The following NEB variants were observed in gnomAD, a reference collection of about 807,000 sequenced individuals.
NEB encodes the protein nemaline myopathy type 2.
In NEB, 512 loss-of-function variants were observed where a neutral mutation model predicts 952.2. The ratio of observed to expected loss-of-function variants is 0.54; its 90% CI spans 0.50 to 0.58. The LOEUF is 0.58. Among genes scored for constraint, NEB ranks in the 20% least tolerant of loss-of-function variants. The pLI is 0.00. For synonymous variants in NEB, 2,900 were observed against 3,149.8 expected, an observed-to-expected ratio of 0.92 and a Z score of 2.66; for missense variants, 8,428 against 9,231.1, an observed-to-expected ratio of 0.91 and a Z score of 3.56.
Position 151,646,133 on chromosome 2 carries a change from A to G in NEB, c.7533T>C (p.Ser2511=). 6.3e-7 allele frequency: 1 copy of G among 1,579,054 alleles called. No individual in the cohort carries two copies. Among genetic ancestry groups the G allele is most frequent in the Non-Finnish European group, 8.6e-7 (1 of 1,159,798 alleles). The change falls in exon 55 of 182, where the codon AGT becomes AGC. Residue 2511 remains serine (S), a synonymous_variant. Transcript: ENST00000397345. ...CATGCTGAATTTGAAAACTTACATC[A>G]CTTGTGTTGATTAAGTTTGCTTTAG... is the stretch of plus-strand genomic sequence containing the variant. ...VLAKANLINT[S]DKLYRMGYEE...
intron 167 of NEB, among the ~76,000 whole-genome samples, chr2:151,502,356 AC>A (rs766153238): frequency 6.6e-6 from 1 of 150,792 alleles, no homozygotes; most frequent in African/African-American, 2.4e-5. Flanking sequence ...TACCTCCCAA[AC>A]TTATGGAAAA....
chr2:151,718,867 TC>T (rs1341825786), intron 9 of NEB, among the ~76,000 whole-genome samples: 7 of 152,218 alleles, frequency 4.6e-5, no homozygotes, highest in African/African-American at 1.7e-4. Flanking sequence ...GTTCTTTTGT[TC>T]CACCAGACTT....
chr2:151,556,298 G>A (rs1482746561), intron 124 of NEB, among the ~76,000 whole-genome samples: 1 of 152,128 alleles, frequency 6.6e-6, no homozygotes, highest in Non-Finnish European at 1.5e-5. Flanking sequence ...TTATCAGAGT[G>A]CACTGTCTCT....
Position 151,642,883 on chromosome 2 carries a change from A to C in NEB, c.8161-14T>G. ...TGTATAGAGGCGCTAAGAGAAACAG[A>C]AAAACATGACTGGTATAGGCCAGTA... On this transcript the variant is annotated splice_polypyrimidine_tract_variant and intron_variant, in intron 58 of 181. Transcript: ENST00000397345. 2 of 1,573,358 alleles carry C rather than the reference A, an allele frequency of 1.3e-6. No homozygotes were observed. Among genetic ancestry groups the C allele is most frequent in the Non-Finnish European group, 1.7e-6 (2 of 1,150,040 alleles).
intron 107 of NEB, among the ~76,000 whole-genome samples, chr2:151,572,893 G>C (rs917223606): frequency 6.7e-6 from 1 of 149,348 alleles, no homozygotes; most frequent in African/African-American, 2.5e-5. Context: ...AAAAAAGCCC[G>C]GGGCCTGAGA....
chr2:151,489,048 A>T (rs2053788472), intron 181 of NEB, among the ~76,000 whole-genome samples: 1 of 152,202 alleles, frequency 6.6e-6, no homozygotes, highest in Non-Finnish European at 1.5e-5. Context: ...GGGTTAGCAC[A>T]GTTTCTTTAA....
At position 151,666,083 on chromosome 2, in the gene NEB, T is replaced by A. The variant is rs767637405; in HGVS notation, c.5031+7A>T. On this transcript the variant is annotated splice_region_variant and intron_variant, in intron 41 of 181. Coordinates refer to ENST00000397345, the MANE Select transcript of NEB (RefSeq NM_001164508.2). The stretch of plus-strand genomic sequence containing the variant: ...AAATGGATAACAACTTGGTAACCAG[T>A]ACATACATCACTCTGAATCTGCATG... 16 of 1,608,010 alleles carry A rather than the reference T, an allele frequency of 1.0e-5. No homozygotes were observed. The African/African-American group carries it at 2.0e-4, about 20-fold the overall frequency.
chr2:151,512,754 T>A lies in NEB; in HGVS notation c.23325A>T (p.Gln7775His). The A allele has an allele frequency of 6.2e-7, 1 of 1,613,722 alleles. No individual in the cohort carries two copies. The part of the protein sequence containing the change: ...VDTPEIIHAQ[Q>H]VKNLSSQKKY... ...TTACCTGGCTTGAAAGATTCTTGAC[T>A]TGTTGGGCATGAATGATCTCTGGAG... The change falls in exon 161 of 182, where the codon CAA (glutamine) becomes CAT (histidine). Residue 7775 changes from glutamine to histidine, a missense_variant. Gln to His is a conservative substitution (Grantham distance 24). Around this residue, in one of 11 missense-constraint regions of NEB, gnomAD observed 3,374 missense variants for 3,651.5 expected, o/e 0.92. Coordinates refer to ENST00000397345, the MANE Select transcript of NEB (RefSeq NM_001164508.2).
At chr2:151,626,271 C>G (rs973197098) in intron 70 of NEB, among the ~76,000 whole-genome samples, 4 of 152,004 alleles carry the variant, frequency 2.6e-5, no homozygotes, top group Non-Finnish European at 5.9e-5. Flanking sequence ...CGTGTCACCA[C>G]ACCCGGCTAA....
intron 54 of NEB, 27 bp downstream of exon 54, chr2:151,650,149 T>A (rs539522251): frequency 1.2e-6 from 2 of 1,601,818 alleles, no homozygotes; most frequent in African/African-American, 2.7e-5. Flanking sequence ...GGCACTATAA[T>A]CTATTTATTT....
At chr2:151,562,859 TC>T (rs2153712662) in intron 119 of NEB, 51 bp from the exon 120 acceptor site, 1 of 1,325,882 alleles carries the variant, frequency 7.5e-7, no homozygotes, top group East Asian at 2.5e-5. Context: ...TGTAAATTAT[TC>T]AGATCAATGT....
At chr2:151,699,564 G>A (rs2099629202) in intron 13 of NEB, among the ~76,000 whole-genome samples, 1 of 49,598 alleles carries the variant, frequency 2.0e-5, no homozygotes, top group African/African-American at 8.8e-5. Context: ...TCTAACTGGT[G>A]TGAGATGGTA....
rs1292580496 is a variant in NEB, at chr2:151,563,686, C to A, written c.18613G>T (p.Gly6205Cys). Residue 6205 changes from glycine (G) to cysteine (C), a missense_variant, in exon 119 of 182, where the codon GGT (glycine) becomes TGT (cysteine). Coordinates refer to ENST00000397345, the MANE Select transcript of NEB (RefSeq NM_001164508.2). Reference sequence around the variant, plus strand: ...ATCACTTTTCCAGCCAGGTAGTGACCTTTCTGCTTCTCATATGTCTCTTTG... The same window carrying A: ...ATCACTTTTCCAGCCAGGTAGTGACATTTCTGCTTCTCATATGTCTCTTTG... ...KYKETYEKQK[G>C]HYLAGKVIGE... 1.2e-6 allele frequency: 2 copies of A among 1,613,850 alleles called. No individual in the cohort carries two copies. The highest frequency in any genetic ancestry group is 1.7e-6 in the Non-Finnish European group (2 of 1,179,780).
intron 3 of NEB, among the ~76,000 whole-genome samples, chr2:151,730,879 T>C (rs1421297864): frequency 1.3e-5 from 2 of 152,214 alleles, no homozygotes; most frequent in Non-Finnish European, 2.9e-5. Flanking sequence ...TCTTGAGCTA[T>C]TGTTTTAATT....
chr2:151,721,484 T>A (rs1383653394), intron 9 of NEB, among the ~76,000 whole-genome samples: 1 of 152,152 alleles, frequency 6.6e-6, no homozygotes, highest in African/African-American at 2.4e-5. Context: ...CCTTTCTTCA[T>A]CACCACCCAT....
At chr2:151,566,654 A>C (rs1364396958) in intron 114 of NEB, among the ~76,000 whole-genome samples, 1 of 152,184 alleles carries the variant, frequency 6.6e-6, no homozygotes, top group Non-Finnish European at 1.5e-5. Flanking sequence ...AGCTTTACCA[A>C]AGCTCTGCAT....
rs566519174 is a variant in NEB, at chr2:151,697,708, CACTT to C, written c.1153-64_1153-61del. 684 of 1,055,174 alleles carry C rather than the reference CACTT, an allele frequency of 6.5e-4. 4 individuals are homozygous for C. The African/African-American group carries it at 0.01, about 16-fold the overall frequency. 65.4% of individuals were successfully genotyped at this position (1,055,174 alleles called of 1,614,324 possible). The stretch of plus-strand genomic sequence containing the variant: ...CCTGTCACTCCCACGCTGATTATAA[CACTT>C]ACATTTTCTAACACTAAACAAAAGA... On this transcript the variant is annotated intron_variant, in intron 13 of 181. Coordinates refer to ENST00000397345, the MANE Select transcript of NEB (RefSeq NM_001164508.2).
In NEB at chr2:151,490,506, C is replaced by CGCT. The variant is rs1559117769; in HGVS notation, c.25160_25162dup (p.Gln8387dup). 1 of 1,608,998 alleles carries CGCT rather than the reference C, an allele frequency of 6.2e-7. No individual in the cohort carries two copies. The highest frequency in any genetic ancestry group is 1.7e-5 in the Admixed American group (1 of 59,530). On this transcript the variant is annotated inframe_insertion, in exon 180 of 182. Coordinates refer to ENST00000397345, the MANE Select transcript of NEB (RefSeq NM_001164508.2). Reference sequence around the variant, plus strand: ...AGATCGTGACTGCTCCCGGCTCCGGCGCTGAGCTTGGACTGGGAGAGATGC... The same window carrying CGCT: ...AGATCGTGACTGCTCCCGGCTCCGGCGCTGCTGAGCTTGGACTGGGAGAGATGC...
At chr2:151,577,241 G>A (rs1214706647) in intron 105 of NEB, among the ~76,000 whole-genome samples, 2 of 152,146 alleles carry the variant, frequency 1.3e-5, no homozygotes, top group African/African-American at 4.8e-5. Flanking sequence ...TAGAAGGGAT[G>A]AATGGTCTGG....
Sources: gnomAD v4.1 joint callset for allele counts (sites outside exome capture counted in the v4.1 genomes callset) on GRCh38, gnomAD v4.1.1 for gene constraint, gnomAD v4.1.1 regional missense constraint, MANE v1.5 for transcripts, NCBI Gene and HGNC (gene_info 2026-07-23, HGNC 2026-07-21) for gene names.